The following EIF5B variants were observed in gnomAD, a reference collection of about 807,000 sequenced individuals.
EIF5B encodes eukaryotic translation initiation factor 5B.
In EIF5B, 47 loss-of-function variants were observed where a neutral mutation model predicts 147.5. The ratio of observed to expected loss-of-function variants is 0.32; its 90% confidence interval spans 0.25 to 0.41. EIF5B has a LOEUF of 0.41. Among genes scored for constraint, EIF5B ranks in the 10% least tolerant of loss-of-function variants. The pLI is 1.00. For synonymous variants in EIF5B, 455 were observed against 456.2 expected, an observed-to-expected ratio of 1.00 and a Z score of 0.03; for missense variants, 1,064 against 1,413.2, an observed-to-expected ratio of 0.75 and a Z score of 3.96.
In EIF5B at chr2:99,398,474, A is replaced by G. The variant is rs550203559; in HGVS notation, c.3394-274A>G. On this transcript the variant is annotated intron_variant, in intron 22 of 23. Coordinates refer to ENST00000289371, the MANE Select transcript of EIF5B (RefSeq NM_015904.4). Reference sequence around the variant, plus strand: ...ACCTGTCACGTGAAATGGTAGAGCAAAAATAGGAAATGACATTGGGTCAAC... The same window carrying G: ...ACCTGTCACGTGAAATGGTAGAGCAGAAATAGGAAATGACATTGGGTCAAC... The G allele has an allele frequency of 1.4e-3, 360 of 257,536 alleles. 1 individual carries two copies. Among genetic ancestry groups the G allele is most frequent in the Admixed American group, 2.9e-3 (55 of 19,276 alleles). 16.0% of individuals were successfully genotyped at this position (257,536 alleles called of 1,614,324 possible).
chr2:99,392,880 A>C, intron 17 of EIF5B, 87 bp from the exon 18 acceptor site: 1 of 1,205,276 alleles, frequency 8.3e-7, no homozygotes, highest in Non-Finnish European at 1.1e-6. Context: ...ACCTCTCTCT[A>C]ATATCATGAT....
At chr2:99,366,574 A>G (rs1223099323) in intron 6 of EIF5B, among the ~76,000 whole-genome samples, 2 of 151,960 alleles carry the variant, frequency 1.3e-5, no homozygotes, top group African/African-American at 4.8e-5. Context: ...ATTTTCCTTT[A>G]TTAGTGACTT....
At position 99,338,045 on chromosome 2, in the gene EIF5B, C is replaced by A. The variant is rs572889853; in HGVS notation, c.35+456C>A. Among the ~76,000 whole-genome samples, 6 of 152,300 alleles carry A rather than the reference C, an allele frequency of 3.9e-5. No individual in the cohort carries two copies. The South Asian group carries it at 1.0e-3, about 26-fold the overall frequency. ...GTTTCTCTACTCGCGGTTTCAGGTACGTTAGAGTTATGGGGAGGTGTTTAG... is the reference window on the plus strand; with the variant it reads ...GTTTCTCTACTCGCGGTTTCAGGTAAGTTAGAGTTATGGGGAGGTGTTTAG... On this transcript the variant is annotated intron_variant, in intron 1 of 23. Coordinates refer to ENST00000289371, the MANE Select transcript of EIF5B (RefSeq NM_015904.4).
rs1458246661 is a variant in EIF5B, at chr2:99,400,840, G to GAGCTT, written c.*1430_*1434dup. 6.5e-6 allele frequency: 1 copy of GAGCTT among 154,396 alleles called. No homozygotes were observed. The highest frequency in any genetic ancestry group is 1.4e-5 in the Non-Finnish European group (1 of 69,368). 9.6% of individuals were successfully genotyped at this position (154,396 alleles called of 1,614,324 possible). A position where few individuals can be genotyped will look rare whatever the true frequency, so the allele number is the denominator to read the frequency against. On this transcript the variant is annotated 3_prime_UTR_variant, in exon 24 of 24. Coordinates refer to ENST00000289371, the MANE Select transcript of EIF5B (RefSeq NM_015904.4). ...GGTCTGAGACCTCTCAGGAATTTCA[G>GAGCTT]AGCTTAGCAGTCTGGCCTGGAGGTT...
chr2:99,356,413 A>T (rs980625498), intron 1 of EIF5B, among the ~76,000 whole-genome samples: 1 of 152,190 alleles, frequency 6.6e-6, no homozygotes, highest in Admixed American at 6.5e-5. Flanking sequence ...TCTTCTGCAC[A>T]CGTTTGTCTC....
intron 7 of EIF5B, 88 bp downstream of exon 7, chr2:99,368,679 G>A: frequency 9.6e-7 from 1 of 1,045,588 alleles, no homozygotes; most frequent in African/African-American, 1.6e-5. Flanking sequence ...AAAGAAGAAA[G>A]GAAAAAATCC....
intron 1 of EIF5B, among the ~76,000 whole-genome samples, chr2:99,342,968 C>T (rs1196835893): frequency 3.4e-5 from 5 of 145,906 alleles, no homozygotes; most frequent in African/African-American, 1.3e-4. Flanking sequence ...TTCTTTCTTT[C>T]TTTTTTTTTT....
At chr2:99,344,761 G>T (rs1189433371) in intron 1 of EIF5B, among the ~76,000 whole-genome samples, 1 of 152,130 alleles carries the variant, frequency 6.6e-6, no homozygotes, top group Non-Finnish European at 1.5e-5. Context: ...GATTACTGTG[G>T]TGTGAATTTC....
At position 99,360,304 on chromosome 2, in the gene EIF5B, A is replaced by G. The variant is rs1351721357; in HGVS notation, c.104A>G (p.Gln35Arg). ...GAAGGAGCTGGTGCTGCCAAAGAACAGGAGCCTCAAAAGTCAAAAGGGAAA... is the reference window on the plus strand; with the variant it reads ...GAAGGAGCTGGTGCTGCCAAAGAACGGGAGCCTCAAAAGTCAAAAGGGAAA... ...EIEGAGAAKE[Q>R]EPQKSKGKKK... Residue 35 changes from glutamine (Q) to arginine (R), a missense_variant, in exon 2 of 24, where the codon CAG becomes CGG. By Grantham distance (43) the Gln-to-Arg change is conservative (BLOSUM62 1). Transcript: ENST00000289371. 1.9e-6 allele frequency: 3 copies of G among 1,612,412 alleles called. No individual in the cohort carries two copies. Among genetic ancestry groups the G allele is most frequent in the Non-Finnish European group, 2.5e-6 (3 of 1,179,410 alleles).
Position 99,361,644 on chromosome 2 carries a change from C to G in EIF5B, c.743C>G (p.Ala248Gly), listed in dbSNP as rs1559248668. The change falls in exon 4 of 24, where the codon GCG becomes GGG. Residue 248 changes from alanine (A) to glycine (G), a missense_variant. Physicochemically the swap from Ala to Gly is moderately conservative, Grantham distance 60. Transcript: ENST00000289371. Reference protein sequence around the residue: ...RERKKRDEEKAKLRKLKEKEE... With the variant: ...RERKKRDEEKGKLRKLKEKEE... ...AGAAAAAAGCGAGATGAAGAAAAAG[C>G]GAAACTGCGGAAGCTGAAAGAAAAA... The G allele has an allele frequency of 2.5e-6, 4 of 1,595,242 alleles. No individual in the cohort carries two copies. The highest frequency in any genetic ancestry group is 3.4e-6 in the Non-Finnish European group (4 of 1,175,426).
rs758012905 is a variant in EIF5B at position 99,371,737 on chromosome 2, A to G, written c.1552+7A>G. 3 of 1,611,228 alleles carry G rather than the reference A, an allele frequency of 1.9e-6. No individual in the cohort carries two copies. The Admixed American group carries it at 5.0e-5, about 27-fold the overall frequency. ...GATGAGGAGACAGAAAAAGGTGAATACCTCATAAGCACACACTGATACATC... is the reference window on the plus strand; with the variant it reads ...GATGAGGAGACAGAAAAAGGTGAATGCCTCATAAGCACACACTGATACATC... On this transcript the variant is annotated splice_region_variant and intron_variant, in intron 9 of 23. Transcript: ENST00000289371.
chr2:99,387,060 C>T (rs1021753711), intron 14 of EIF5B, among the ~76,000 whole-genome samples: 12 of 152,218 alleles, frequency 7.9e-5, no homozygotes, highest in African/African-American at 2.4e-4. Flanking sequence ...CAGGTACATG[C>T]CACCACACCT....
intron 17 of EIF5B, among the ~76,000 whole-genome samples, chr2:99,391,194 T>C (rs567954453): frequency 9.2e-5 from 14 of 152,310 alleles, no homozygotes; most frequent in African/African-American, 3.4e-4. Context: ...AAGAAAATCA[T>C]AAGGAAAATA....
In EIF5B at chr2:99,400,217, T is replaced by TG. The variant is rs1368304851; in HGVS notation, c.*804dup. 1 of 146,740 alleles carries TG rather than the reference T, an allele frequency of 6.8e-6. No individual in the cohort carries two copies. Among genetic ancestry groups the TG allele is most frequent in the Non-Finnish European group, 1.5e-5 (1 of 67,988 alleles). The allele number at this position is 146,740 out of a possible 1,614,324, so 9.1% of individuals were successfully genotyped here. A position where few individuals can be genotyped will look rare whatever the true frequency, so the allele number is the denominator to read the frequency against. ...AGTAGAGATTTTTATACATTAATCTTGATCTGTTTTAATCTTGATCTGTTT... is the reference window on the plus strand; with the variant it reads ...AGTAGAGATTTTTATACATTAATCTTGGATCTGTTTTAATCTTGATCTGTTT... On this transcript the variant is annotated 3_prime_UTR_variant, in exon 24 of 24. Coordinates refer to ENST00000289371, the MANE Select transcript of EIF5B (RefSeq NM_015904.4).
intron 8 of EIF5B, among the ~76,000 whole-genome samples, chr2:99,370,548 T>C (rs1011195079): frequency 6.6e-6 from 1 of 152,236 alleles, no homozygotes; most frequent in Non-Finnish European, 1.5e-5. Flanking sequence ...TAGATTGATA[T>C]GCTTAATAGC....
chr2:99,386,321 G>C (rs1674805062), intron 14 of EIF5B, among the ~76,000 whole-genome samples: 1 of 152,060 alleles, frequency 6.6e-6, no homozygotes, highest in African/African-American at 2.4e-5. Context: ...AAAATCCTTT[G>C]TTCTTTATTA....
chr2:99,376,470 G>A lies in EIF5B; in HGVS notation c.1676G>A (p.Gly559Asp), dbSNP rs367978098. The A allele has an allele frequency of 4.7e-5, 76 of 1,607,186 alleles. No individual in the cohort carries two copies. The highest frequency in any genetic ancestry group is 6.4e-5 in the Non-Finnish European group (75 of 1,174,014). ...EEEEEEGESE[G>D]SEGDEEDEKV... ...GAGGAAGAGGAGGGAGAAAGTGAAG[G>A]CAGTGAAGGTGATGAGGAAGATGAA... The change falls in exon 10 of 24, where the codon GGC (glycine) becomes GAC (aspartate). Residue 559 changes from glycine to aspartate, a missense_variant. Physicochemically the swap from Gly to Asp is moderately conservative, Grantham distance 94. Transcript: ENST00000289371.
Position 99,368,598 on chromosome 2 carries a change from A to G in EIF5B, c.1387+7A>G. 6.3e-7 allele frequency: 1 copy of G among 1,588,810 alleles called. No homozygotes were observed. The highest frequency in any genetic ancestry group is 8.6e-7 in the Non-Finnish European group (1 of 1,158,096). ...CAGCTAGAAAGTAAAGAAGGTTTGT[A>G]TACAAAATAGCCTCTAATTTAGGAA... On this transcript the variant is annotated splice_region_variant and intron_variant, in intron 7 of 23. Coordinates refer to ENST00000289371, the MANE Select transcript of EIF5B (RefSeq NM_015904.4).
intron 6 of EIF5B, 101 bp downstream of exon 6, chr2:99,364,522 T>TC (rs1236434113): frequency 8.6e-7 from 1 of 1,167,510 alleles, no homozygotes; most frequent in African/African-American, 1.5e-5. Flanking sequence ...TCAGGACAGT[T>TC]CCTATGAAAA....
Sources: allele counts gnomAD v4.1 joint callset (sites outside exome capture counted in the v4.1 genomes callset), GRCh38; gene constraint gnomAD v4.1.1; transcripts MANE v1.5; gene names NCBI Gene and HGNC (gene_info 2026-07-23, HGNC 2026-07-21).